H2BC4: variants seen among roughly 807,000 people sequenced by gnomAD.
The protein encoded by H2BC4 is histone H2B type 1-C/E/F/G/I.
A neutral mutation model predicts 6.2 loss-of-function variants in H2BC4; 10 were observed. The observed-to-expected ratio is 1.61, with a 90% confidence interval of 0.99 to 2.73. The LOEUF is 2.73. Among genes scored for constraint, H2BC4 ranks in the 30% most tolerant of loss-of-function variants. The probability of loss-of-function intolerance (pLI) is 0.00; values close to 1 mark genes in which losing one functional copy is unlikely to be tolerated. For synonymous variants in H2BC4, 146 were observed against 70.7 expected, an observed-to-expected ratio of 2.07 and a Z score of -5.35; for missense variants, 176 against 168.7, an observed-to-expected ratio of 1.04 and a Z score of -0.24.
downstream of H2BC4, among the ~76,000 whole-genome samples, chr6:26,120,079 C>G (rs1185517887): frequency 6.6e-6 from 1 of 151,796 alleles, no homozygotes; most frequent in African/African-American, 2.4e-5. Context: ...TATTTTAAGT[C>G]TTTATGTAAG....
downstream of H2BC4, among the ~76,000 whole-genome samples, chr6:26,119,681 CT>C (rs930530270): frequency 8.6e-5 from 13 of 151,776 alleles, no homozygotes; most frequent in African/African-American, 3.1e-4. Flanking sequence ...GTTAAATTAG[CT>C]TTTGTTTTTG....
chr6:26,117,160 T>C (rs1763432672), intron 1 of H2BC4, among the ~76,000 whole-genome samples: 1 of 152,202 alleles, frequency 6.6e-6, no homozygotes, highest in Admixed American at 6.5e-5. Context: ...AAACATACTA[T>C]GATCAACTGG....
At chr6:26,123,009 A>T (rs1332347913), downstream of H2BC4, among the ~76,000 whole-genome samples, 1 of 152,170 alleles carries the variant, frequency 6.6e-6, no homozygotes, top group Non-Finnish European at 1.5e-5. Context: ...ACGAAAACAG[A>T]GGGGGAGTCC....
At chr6:26,117,975 G>T (rs1469512574) in intron 1 of H2BC4, among the ~76,000 whole-genome samples, 1 of 152,148 alleles carries the variant, frequency 6.6e-6, no homozygotes, top group Non-Finnish European at 1.5e-5. Context: ...CAGCACTATG[G>T]CTATCTCTGT....
intron 1 of H2BC4, among the ~76,000 whole-genome samples, chr6:26,117,780 GA>G (rs1763442650): frequency 6.6e-6 from 1 of 152,158 alleles, no homozygotes; most frequent in African/African-American, 2.4e-5. Flanking sequence ...TTATAAAATA[GA>G]AATGGGAGAA....
At chr6:26,114,887 T>C (rs768598543) in exon 2 of H2BC4, 6 of 152,070 alleles carry the variant, frequency 3.9e-5, no homozygotes, top group Non-Finnish European at 7.4e-5. Context: ...TACTAGGAGT[T>C]ATTTTAATTT....
intron 1 of H2BC4, among the ~76,000 whole-genome samples, chr6:26,116,097 T>G (rs1763415727): frequency 6.6e-6 from 1 of 152,154 alleles, no homozygotes; most frequent in Admixed American, 6.5e-5. Context: ...ATTTGAAAAC[T>G]TGATATGGTC....
rs370298383 is a variant in H2BC4 at position 26,123,872 on chromosome 6, C to A, written c.33G>T (p.Pro11=). The A allele has an allele frequency of 3.7e-6, 6 of 1,614,074 alleles. No homozygotes were observed. Among genetic ancestry groups the A allele is most frequent in the Non-Finnish European group, 5.1e-6 (6 of 1,180,046 alleles). The change falls in exon 1 of 1, where the codon CCG becomes CCT. Residue 11 remains proline, a synonymous_variant. Coordinates refer to ENST00000396984, the MANE Select transcript of H2BC4 (RefSeq NM_003526.3). MPEPAKSAPA[P]KKGSKKAVTK... is the part of the protein sequence containing the mutation. ...TCACTGCCTTCTTGGAGCCCTTCTT[C>A]GGGGCGGGAGCAGACTTGGCTGGCT...
chr6:26,118,327 CAAAGATCAGTTTGGT>C (rs539633309), intron 1 of H2BC4, among the ~76,000 whole-genome samples: 45,118 of 151,838 alleles, frequency 0.3, 7,548 homozygotes, highest in Non-Finnish European at 0.38. Context: ...TCAGTTTGGT[CAAAGATCAGTTTGGT>C]CAACTTTAGT....
At chr6:26,123,374 C>T, downstream of H2BC4, 1 of 1,359,202 alleles carries the variant, frequency 7.4e-7, no homozygotes, top group Non-Finnish European at 9.9e-7. Flanking sequence ...AGCTGCAACA[C>T]TTGTCCCCAC....
In H2BC4 at chr6:26,123,878, G is replaced by A. The variant is rs762816584; in HGVS notation, c.27C>T (p.Pro9=). 10 of 1,614,190 alleles carry A rather than the reference G, an allele frequency of 6.2e-6. No individual in the cohort carries two copies. The highest frequency in any genetic ancestry group is 1.1e-5 in the South Asian group (1 of 91,084). The change falls in exon 1 of 1, where the codon CCC becomes CCT. Residue 9 remains proline (P), a synonymous_variant. Transcript: ENST00000396984. The part of the protein sequence containing the change: MPEPAKSA[P]APKKGSKKAV... ...CCTTCTTGGAGCCCTTCTTCGGGGC[G>A]GGAGCAGACTTGGCTGGCTCAGGCA...
At chr6:26,122,942 C>T (rs1581412431), downstream of H2BC4, among the ~76,000 whole-genome samples, 3 of 152,136 alleles carry the variant, frequency 2.0e-5, no homozygotes, top group South Asian at 6.2e-4. Flanking sequence ...AGACTATTAC[C>T]GGGGCAGTTG....
downstream of H2BC4, chr6:26,123,285 T>C (rs1763533828): frequency 1.3e-5 from 9 of 670,994 alleles, no homozygotes; most frequent in East Asian, 6.3e-5. Context: ...CCATTTTAAA[T>C]TTAAGCACAA....
At chr6:26,121,260 C>T (rs919428229), downstream of H2BC4, among the ~76,000 whole-genome samples, 1 of 152,234 alleles carries the variant, frequency 6.6e-6, no homozygotes, top group Non-Finnish European at 1.5e-5. Context: ...TGACTAATCA[C>T]TTAATGATGT....
downstream of H2BC4, among the ~76,000 whole-genome samples, chr6:26,122,567 G>T (rs1037431047): frequency 6.6e-6 from 1 of 152,172 alleles, no homozygotes; most frequent in Non-Finnish European, 1.5e-5. Context: ...CAGTGTATGT[G>T]CTAAGTTTAA....
chr6:26,119,226 A>G (rs573639542), downstream of H2BC4, among the ~76,000 whole-genome samples: 60 of 152,276 alleles, frequency 3.9e-4, no homozygotes, highest in Non-Finnish European at 3.7e-4. Context: ...ACACGTATAC[A>G]GTACGTGATT....
chr6:26,114,381 G>T (rs1221096125), downstream of H2BC4, among the ~76,000 whole-genome samples: 1 of 151,980 alleles, frequency 6.6e-6, no homozygotes, highest in Non-Finnish European at 1.5e-5. Context: ...TTAAAATAAT[G>T]TAATTTCAAT....
chr6:26,114,400 C>T (rs11541949), downstream of H2BC4, among the ~76,000 whole-genome samples: 130 of 151,670 alleles, frequency 8.6e-4, no homozygotes, highest in African/African-American at 2.3e-3. Context: ...ATTTTTTTTT[C>T]TTTTGAAGGA....
downstream of H2BC4, among the ~76,000 whole-genome samples, chr6:26,119,997 G>A (rs1470132398): frequency 2.0e-5 from 3 of 151,848 alleles, no homozygotes; most frequent in Non-Finnish European, 4.4e-5. Context: ...AACTTAAAGA[G>A]GTAGCACATT....
Sources: gnomAD v4.1 joint callset for allele counts (sites outside exome capture counted in the v4.1 genomes callset) on GRCh38, gnomAD v4.1.1 for gene constraint, MANE v1.5 for transcripts, NCBI Gene and HGNC (gene_info 2026-07-23, HGNC 2026-07-21) for gene names.